Variants in LRRC8C observed in about 807,000 individuals in gnomAD.
LRRC8C encodes the protein volume-regulated anion channel subunit LRRC8C.
LRRC8C carries 20 observed loss-of-function variants against 55.3 expected under a neutral mutation model. The observed-to-expected ratio is 0.36, with a 90% CI of 0.25 to 0.53. The LOEUF (loss-of-function observed/expected upper bound fraction) is 0.53, where lower values mean the gene tolerates loss of function less well. Ranked by LOEUF, LRRC8C falls within the 20% of genes least tolerant of loss-of-function variation. The pLI is 0.92. For synonymous variants in LRRC8C, 376 were observed against 360.7 expected (o/e 1.04, Z -0.48); for missense variants, 659 against 951.4 (o/e 0.69, Z 4.04).
At chr1:89,709,726 T>C (rs1385484272) in intron 2 of LRRC8C, among the ~76,000 whole-genome samples, 1 of 149,860 alleles carries the variant, frequency 6.7e-6, no homozygotes, top group Non-Finnish European at 1.5e-5. Flanking sequence ...TGTTTTGTTT[T>C]GTTTTTTGTG....
Position 89,716,421 on chromosome 1 carries a change from C to A in LRRC8C, c.*1439C>A, listed in dbSNP as rs1658821968. On this transcript the variant is annotated 3_prime_UTR_variant, in exon 3 of 3. Coordinates refer to ENST00000370454, the MANE Select transcript of LRRC8C (RefSeq NM_032270.5). ...CTGCTCTCTGGCTTAAAATATGTAT[C>A]TCATCTAAAATTGTTCGTTAAAGTG... 6.6e-6 allele frequency: 1 copy of A among 152,164 alleles called. No homozygotes were observed. 9.4% of individuals were successfully genotyped at this position (152,164 alleles called of 1,614,324 possible).
At chr1:89,643,857 C>T (rs1656538619) in intron 1 of LRRC8C, among the ~76,000 whole-genome samples, 1 of 152,278 alleles carries the variant, frequency 6.6e-6, no homozygotes, top group South Asian at 2.1e-4. Flanking sequence ...AACCGGGCTT[C>T]TGACATACAC....
intron 1 of LRRC8C, among the ~76,000 whole-genome samples, chr1:89,633,647 C>T (rs953958859): frequency 3.3e-5 from 5 of 152,048 alleles, no homozygotes; most frequent in East Asian, 1.9e-4. Flanking sequence ...GGGGGCGGTC[C>T]GCGAGGGGAA....
At chr1:89,658,571 T>C (rs1657013340) in intron 1 of LRRC8C, among the ~76,000 whole-genome samples, 2 of 152,216 alleles carry the variant, frequency 1.3e-5, no homozygotes, top group African/African-American at 2.4e-5. Context: ...AGGAAGATTA[T>C]ACCTAAATAC....
At chr1:89,631,353 T>C (rs563415160), upstream of LRRC8C, among the ~76,000 whole-genome samples, 11 of 152,268 alleles carry the variant, frequency 7.2e-5, no homozygotes, top group African/African-American at 2.2e-4. Flanking sequence ...TAAGGTTCAA[T>C]GATTCCTTGA....
chr1:89,703,982 A>T (rs1658402363), intron 2 of LRRC8C, among the ~76,000 whole-genome samples: 1 of 152,118 alleles, frequency 6.6e-6, no homozygotes, highest in Admixed American at 6.5e-5. Context: ...AAAAATAGAG[A>T]TTAAAAGATA....
chr1:89,704,916 T>C (rs560055316), intron 2 of LRRC8C, among the ~76,000 whole-genome samples: 14 of 152,118 alleles, frequency 9.2e-5, no homozygotes, highest in South Asian at 6.2e-4. Flanking sequence ...AACCATCCCA[T>C]TACTGGGTAT....
chr1:89,691,050 C>T (rs1004613793), intron 2 of LRRC8C, among the ~76,000 whole-genome samples: 2 of 152,182 alleles, frequency 1.3e-5, no homozygotes, highest in African/African-American at 4.8e-5. Flanking sequence ...ACGGGGTGGA[C>T]TACTCAATTC....
chr1:89,647,283 C>T (rs1656641187), intron 1 of LRRC8C, among the ~76,000 whole-genome samples: 1 of 152,182 alleles, frequency 6.6e-6, no homozygotes, highest in Non-Finnish European at 1.5e-5. Flanking sequence ...AAAGTGCCTC[C>T]TCCTTTTTAT....
At chr1:89,633,780 T>A (rs1213272393) in intron 1 of LRRC8C, among the ~76,000 whole-genome samples, 1 of 152,192 alleles carries the variant, frequency 6.6e-6, no homozygotes, top group African/African-American at 2.4e-5. Flanking sequence ...TTAGCACTTT[T>A]GGGCAGGGAA....
rs141008212 is a variant in LRRC8C, at chr1:89,671,096, A to G, written c.-4-15374A>G. On this transcript the variant is annotated intron_variant, in intron 1 of 2. Coordinates refer to ENST00000370454, the MANE Select transcript of LRRC8C (RefSeq NM_032270.5). Reference sequence around the variant, plus strand: ...GAGATGGGGTCTGGCTCTGTCACCCAGGCTGGAGTGCAGTGGCTATTCATG... The same window carrying G: ...GAGATGGGGTCTGGCTCTGTCACCCGGGCTGGAGTGCAGTGGCTATTCATG... Among the ~76,000 whole-genome samples the G allele has an allele frequency of 2.5e-3, 379 of 152,076 alleles. 1 individual carries two copies. The highest frequency in any genetic ancestry group is 4.8e-3 in the Non-Finnish European group (323 of 67,982).
At chr1:89,640,633 T>TA (rs1208693602) in intron 1 of LRRC8C, among the ~76,000 whole-genome samples, 3 of 152,222 alleles carry the variant, frequency 2.0e-5, no homozygotes, top group African/African-American at 7.2e-5. Flanking sequence ...AGTTAGGAGA[T>TA]ACTGTCCAGC....
chr1:89,661,996 G>C (rs1657134704), intron 1 of LRRC8C, among the ~76,000 whole-genome samples: 1 of 152,160 alleles, frequency 6.6e-6, no homozygotes, highest in Non-Finnish European at 1.5e-5. Context: ...ATTCCAGACA[G>C]AGCTGTTGCA....
intron 1 of LRRC8C, among the ~76,000 whole-genome samples, chr1:89,667,930 A>G (rs890118833): frequency 3.3e-5 from 5 of 152,172 alleles, no homozygotes; most frequent in Admixed American, 1.3e-4. Flanking sequence ...CATAATAATA[A>G]TTTTAAAAAA....
At chr1:89,667,475 C>T (rs34830176) in intron 1 of LRRC8C, among the ~76,000 whole-genome samples, 6,811 of 152,206 alleles carry the variant, frequency 0.045, 249 homozygotes, top group Admixed American at 0.11. Flanking sequence ...TCTCTCAAAC[C>T]TCACACCCAA....
intron 2 of LRRC8C, among the ~76,000 whole-genome samples, chr1:89,695,061 A>G (rs556694653): frequency 5.9e-5 from 9 of 151,384 alleles, no homozygotes; most frequent in Admixed American, 5.9e-4. Context: ...AACTGGGACT[A>G]CAGACGTGAG....
At chr1:89,681,359 C>T (rs557238487) in intron 1 of LRRC8C, among the ~76,000 whole-genome samples, 1 of 152,256 alleles carries the variant, frequency 6.6e-6, no homozygotes, top group Non-Finnish European at 1.5e-5. Flanking sequence ...TCAAGTCTTC[C>T]CTTACTCACC....
At chr1:89,616,228 C>T in the LRRC8C span, among the ~76,000 whole-genome samples, 1 of 152,180 alleles carries the variant, frequency 6.6e-6, no homozygotes, top group Non-Finnish European at 1.5e-5. Flanking sequence ...TGCAGGGGCC[C>T]TAGCCTCATC....
chr1:89,708,967 G>A (rs946064876), intron 2 of LRRC8C, among the ~76,000 whole-genome samples: 4 of 152,048 alleles, frequency 2.6e-5, no homozygotes, highest in Non-Finnish European at 5.9e-5. Context: ...TCTACTCAGC[G>A]CTCGTTTCTG....
Sources: allele counts gnomAD v4.1 joint callset (sites outside exome capture counted in the v4.1 genomes callset), GRCh38; gene constraint gnomAD v4.1.1; transcripts MANE v1.5; gene names NCBI Gene and HGNC (gene_info 2026-07-23, HGNC 2026-07-21).